CWC15: variants seen among roughly 807,000 people sequenced by gnomAD.
CWC15 encodes the protein CWC15 spliceosome associated protein, also known as spliceosome-associated protein CWC15 homolog.
In CWC15, 12 loss-of-function variants were observed where a neutral mutation model predicts 28.4. That is an observed-to-expected ratio of 0.42 (90% CI 0.27 to 0.69). The LOEUF (loss-of-function observed/expected upper bound fraction) is 0.69. Ranked by LOEUF, CWC15 falls within the 30% of genes least tolerant of loss-of-function variation. CWC15 has a pLI of 0.23. For synonymous variants in CWC15, 92 were observed against 88.4 expected (o/e 1.04, Z -0.23); for missense variants, 192 against 271.5 (o/e 0.71, Z 2.06).
In CWC15 at chr11:94,964,897, A is replaced by T. The variant is rs60405120; in HGVS notation, c.561-1383T>A. Among the ~76,000 whole-genome samples, 980 of 152,346 alleles carry T rather than the reference A, an allele frequency of 6.4e-3. 8 individuals are homozygous for T. Among genetic ancestry groups the T allele is most frequent in the African/African-American group, 0.022 (906 of 41,568 alleles). On this transcript the variant is annotated intron_variant, in intron 6 of 6. Coordinates refer to ENST00000279839, the MANE Select transcript of CWC15 (RefSeq NM_016403.4). ...CTCTAGCTATACCCTTCCCTAGGTG[A>T]CTTCATCCTGTCTTATGGCTTTAAA...
chr11:94,965,694 C>T (rs1211079059), intron 6 of CWC15, among the ~76,000 whole-genome samples: 1 of 152,192 alleles, frequency 6.6e-6, no homozygotes, highest in African/African-American at 2.4e-5. Flanking sequence ...AAACCTTGGG[C>T]GCGGGATCTT....
intron 5 of CWC15, among the ~76,000 whole-genome samples, chr11:94,969,535 T>C (rs1555095824): frequency 6.6e-6 from 1 of 152,014 alleles, no homozygotes; most frequent in Non-Finnish European, 1.5e-5. Flanking sequence ...TTTTTCCTCA[T>C]ATTGTGTAAA....
At chr11:94,964,047 A>G (rs1476282334) in intron 6 of CWC15, among the ~76,000 whole-genome samples, 2 of 152,166 alleles carry the variant, frequency 1.3e-5, no homozygotes, top group Non-Finnish European at 2.9e-5. Context: ...TATGGCCCAC[A>G]TATACATTAA....
At chr11:94,967,051 C>CT (rs55894842) in intron 5 of CWC15, among the ~76,000 whole-genome samples, 135,962 of 142,988 alleles carry the variant, frequency 0.95, 64,726 homozygotes, top group South Asian at 0.97. Context: ...CTGAGTTTTT[C>CT]TTTTTTTTTT....
chr11:94,965,403 A>G (rs1281349259), intron 6 of CWC15, among the ~76,000 whole-genome samples: 1 of 152,224 alleles, frequency 6.6e-6, no homozygotes, highest in Non-Finnish European at 1.5e-5. Context: ...TTTACAACTT[A>G]TATTTTCTCC....
At chr11:94,963,558 C>A (rs1555094741) in intron 6 of CWC15, 44 bp from the exon 7 acceptor site, 1 of 1,527,672 alleles carries the variant, frequency 6.5e-7, no homozygotes. Context: ...ATGTTTGTAT[C>A]AGGAGACAAG....
rs1049488575 is a variant in CWC15, at chr11:94,963,534, C to G, written c.561-20G>C. The G allele has an allele frequency of 4.5e-6, 7 of 1,546,908 alleles. No homozygotes were observed. The highest frequency in any genetic ancestry group is 2.0e-5 in the Admixed American group (1 of 49,056). ...TCCCACCTGAGGAAAAAAAAGCAAA[C>G]AGAACGTCTGAAAATGTTTGTATCA... On this transcript the variant is annotated intron_variant, in intron 6 of 6. Transcript: ENST00000279839.
chr11:94,965,918 T>C (rs1857633618), intron 6 of CWC15, among the ~76,000 whole-genome samples: 1 of 152,170 alleles, frequency 6.6e-6, no homozygotes, highest in African/African-American at 2.4e-5. Context: ...CCAAGTCCCC[T>C]GAGTTCTTCT....
chr11:94,968,125 T>C (rs587660209), intron 5 of CWC15, among the ~76,000 whole-genome samples: 2 of 152,354 alleles, frequency 1.3e-5, no homozygotes, highest in South Asian at 4.1e-4. Flanking sequence ...CCTAACTAAC[T>C]GTTTTTGTAA....
chr11:94,970,673 GGT>G (rs1565414409), intron 4 of CWC15: 1 of 341,386 alleles, frequency 2.9e-6, no homozygotes, highest in Admixed American at 4.3e-5. Flanking sequence ...GCCCTGGAGA[GGT>G]GTGTAACACA....
chr11:94,968,600 A>G (rs930944920), intron 5 of CWC15, among the ~76,000 whole-genome samples: 3 of 152,214 alleles, frequency 2.0e-5, no homozygotes, highest in Admixed American at 6.5e-5. Context: ...TGTTTTTATA[A>G]TTCTTTGACT....
intron 6 of CWC15, among the ~76,000 whole-genome samples, chr11:94,965,637 G>GT (rs1857629162): frequency 6.6e-6 from 1 of 152,168 alleles, no homozygotes; most frequent in Non-Finnish European, 1.5e-5. Flanking sequence ...CTGGACTTTG[G>GT]TATGTGCTAA....
rs1857714165 is a variant in CWC15 at position 94,971,128 on chromosome 11, A to T, written c.245-63T>A. ...AATACTTCATTTCTTAAAATGTTTT[A>T]GGGACCTGTGAGCACAAGGAGCCCA... On this transcript the variant is annotated intron_variant, in intron 3 of 6. Transcript: ENST00000279839. 6 of 1,446,968 alleles carry T rather than the reference A, an allele frequency of 4.1e-6. No individual in the cohort carries two copies. The Admixed American group carries it at 1.0e-4, about 24-fold the overall frequency. The allele number at this position is 1,446,968 out of a possible 1,614,324, so 89.6% of individuals were successfully genotyped here. A position where few individuals can be genotyped will look rare whatever the true frequency, so the allele number is the denominator to read the frequency against.
intron 6 of CWC15, 47 bp downstream of exon 6, chr11:94,966,226 TACACACACACACACACACACAC>T (rs58215154): frequency 5.7e-5 from 38 of 670,728 alleles, no homozygotes; most frequent in South Asian, 8.7e-5. Flanking sequence ...CATACACATA[TACACACACACACACACACACAC>T]ACACACACAC....
At chr11:94,971,283 A>G in intron 3 of CWC15, 92 bp downstream of exon 3, 1 of 1,120,922 alleles carries the variant, frequency 8.9e-7, no homozygotes, top group Non-Finnish European at 1.3e-6. Context: ...CTGTAAAAGT[A>G]AACAAATGGT....
intron 6 of CWC15, among the ~76,000 whole-genome samples, chr11:94,964,778 A>G (rs1332030416): frequency 6.6e-6 from 1 of 152,232 alleles, no homozygotes; most frequent in East Asian, 1.9e-4. Context: ...CACTTGTATA[A>G]TGTTTAGAGG....
Position 94,972,148 on chromosome 11 carries a change from C to A in CWC15, c.38G>T (p.Arg13Ile). 1 of 1,613,828 alleles carries A rather than the reference C, an allele frequency of 6.2e-7. No individual in the cohort carries two copies. The highest frequency in any genetic ancestry group is 8.5e-7 in the Non-Finnish European group (1 of 1,179,790). Residue 13 changes from arginine to isoleucine, a missense_variant, in exon 2 of 7, where the codon AGA becomes ATA. Around this residue, in one of 2 missense-constraint regions of CWC15, gnomAD observed 4 missense variants for 21.2 expected, o/e 0.19. Coordinates refer to ENST00000279839, the MANE Select transcript of CWC15 (RefSeq NM_016403.4). ...TAARPTFEPA[R>I]GGRGKGEGDL... ...ACCTTCTCCTTTTCCCCTTCCACCT[C>A]TGGCAGGTTCAAAGGTTGGCCTGGC...
intron 1 of CWC15, among the ~76,000 whole-genome samples, chr11:94,973,097 T>G (rs1469222627): frequency 6.6e-6 from 1 of 151,020 alleles, no homozygotes. Flanking sequence ...GGTAGAGACA[T>G]GTATACAAAG....
At chr11:94,971,319 G>C in intron 3 of CWC15, 56 bp downstream of exon 3, 1 of 1,409,868 alleles carries the variant, frequency 7.1e-7, no homozygotes, top group Non-Finnish European at 9.9e-7. Flanking sequence ...GCTACATAAA[G>C]AAAAACTATC....
Sources: allele counts gnomAD v4.1 joint callset (sites outside exome capture counted in the v4.1 genomes callset), GRCh38; gene constraint gnomAD v4.1.1; regional missense constraint gnomAD v4.1.1; transcripts MANE v1.5; gene names NCBI Gene and HGNC (gene_info 2026-07-23, HGNC 2026-07-21).